FBN1: variants seen among roughly 807,000 people sequenced by gnomAD.
The protein encoded by FBN1 is fibrillin 1, also known as fibrillin-1.
In FBN1, 29 loss-of-function variants were observed where a neutral mutation model predicts 365.1. The ratio of observed to expected loss-of-function variants is 0.08; its 90% CI spans 0.06 to 0.11. The LOEUF (loss-of-function observed/expected upper bound fraction) is 0.11, where lower values mean the gene tolerates loss of function less well. FBN1 is among the 10% of genes least tolerant of loss of function. The pLI is 1.00. For synonymous variants in FBN1, 1,210 were observed against 1,270.5 expected (o/e 0.95, Z 1.01); for missense variants, 2,476 against 3,703.2 (o/e 0.67, Z 8.60).
At chr15:48,631,953 A>T (rs1475918283) in intron 2 of FBN1, among the ~76,000 whole-genome samples, 1 of 152,224 alleles carries the variant, frequency 6.6e-6, no homozygotes, top group Admixed American at 6.5e-5. Context: ...CTTTTTAAAA[A>T]ATGTGCTAAT....
intron 46 of FBN1, 53 bp downstream of exon 46, chr15:48,448,715 C>T: frequency 6.4e-7 from 1 of 1,558,714 alleles, no homozygotes; most frequent in Non-Finnish European, 8.8e-7. Flanking sequence ...TATTTAGAAT[C>T]AAATGAAGCT....
At chr15:48,604,845 C>T (rs2044594279) in intron 4 of FBN1, among the ~76,000 whole-genome samples, 1 of 152,180 alleles carries the variant, frequency 6.6e-6, no homozygotes, top group South Asian at 2.1e-4. Context: ...CTCCCTCAAA[C>T]TTGCTAACAC....
chr15:48,488,093 T>C lies in FBN1; in HGVS notation c.3337+20A>G, dbSNP rs757193641. On this transcript the variant is annotated intron_variant, in intron 27 of 65. Transcript: ENST00000316623. ...TGGAATCCTTCTCTTTCTGTGTTGA[T>C]CAAATGATCCCAAACTTACCCATGC... 1.7e-5 allele frequency: 28 copies of C among 1,614,062 alleles called. No homozygotes were observed. The Middle Eastern group carries it at 9.9e-4, about 57-fold the overall frequency.
At chr15:48,524,324 G>A (rs1209981279) in intron 9 of FBN1, among the ~76,000 whole-genome samples, 2 of 152,172 alleles carry the variant, frequency 1.3e-5, no homozygotes, top group African/African-American at 2.4e-5. Context: ...AATGTGCACG[G>A]AAGATACTGC....
At chr15:48,477,018 A>G (rs1413110139) in intron 32 of FBN1, among the ~76,000 whole-genome samples, 1 of 152,014 alleles carries the variant, frequency 6.6e-6, no homozygotes, top group African/African-American at 2.4e-5. Flanking sequence ...TGACTTATAG[A>G]AATACTCACT....
intron 6 of FBN1, among the ~76,000 whole-genome samples, chr15:48,564,396 C>A (rs985528426): frequency 6.6e-6 from 1 of 152,024 alleles, no homozygotes; most frequent in African/African-American, 2.4e-5. Context: ...AAAGCCAATG[C>A]GGTTTTGTGT....
chr15:48,459,778 C>G (rs2043267289), intron 43 of FBN1, among the ~76,000 whole-genome samples: 1 of 152,190 alleles, frequency 6.6e-6, no homozygotes. Flanking sequence ...TATTTCACAT[C>G]TGAAATTCCC....
In FBN1 at chr15:48,451,439, T is replaced by C. The variant is rs1019166929; in HGVS notation, c.5545+1123A>G. On this transcript the variant is annotated intron_variant, in intron 45 of 65. Transcript: ENST00000316623. Reference sequence around the variant, plus strand: ...TGCTAAATACTTACACATTTTCCTTTAAACTCAACAAAACAAGTCTTGATT... The same window carrying C: ...TGCTAAATACTTACACATTTTCCTTCAAACTCAACAAAACAAGTCTTGATT... 3.9e-5 allele frequency among the ~76,000 whole-genome samples: 6 copies of C among 152,206 alleles called. 1 individual carries two copies. Among genetic ancestry groups the C allele is most frequent in the African/African-American group, 1.4e-4 (6 of 41,450 alleles).
At chr15:48,476,610 CTTT>C (rs56969171) in intron 32 of FBN1, 31 of 120,016 alleles carry the variant, frequency 2.6e-4, no homozygotes, top group East Asian at 9.8e-4. Flanking sequence ...CTTTTCTTTT[CTTT>C]TTTTTTTTTT....
At position 48,420,786 on chromosome 15, in the gene FBN1, T is replaced by C; in HGVS notation, c.7720A>G (p.Asn2574Asp). 1 of 1,613,986 alleles carries C rather than the reference T, an allele frequency of 6.2e-7. No homozygotes were observed. Reference sequence around the variant, plus strand: ...TGGCAGCCATGCTGGCAGCGGTGGTTACCCTCACACTCGTCCACGTCTGAA... The same window carrying C: ...TGGCAGCCATGCTGGCAGCGGTGGTCACCCTCACACTCGTCCACGTCTGAA... ...SCEDVDECEG[N>D]HRCQHGCQNI... is the part of the protein sequence containing the mutation. Residue 2574 changes from asparagine (N) to aspartate (D), a missense_variant, in exon 63 of 66, where the codon AAC becomes GAC. Transcript: ENST00000316623.
At chr15:48,487,540 T>C (rs903391391) in intron 27 of FBN1, 103 bp from the exon 28 acceptor site, 2 of 1,501,022 alleles carry the variant, frequency 1.3e-6, no homozygotes, top group Non-Finnish European at 1.8e-6. Context: ...TTGACCTCCT[T>C]GTCTCAAGGT....
Position 48,497,396 on chromosome 15 carries a change from A to C in FBN1, c.2168-5T>G, listed in dbSNP as rs2043617477. 2 of 1,613,298 alleles carry C rather than the reference A, an allele frequency of 1.2e-6. No homozygotes were observed. Among genetic ancestry groups the C allele is most frequent in the Non-Finnish European group, 8.5e-7 (1 of 1,179,294 alleles). Reference sequence around the variant, plus strand: ...CTAGTGCACATTCATTTATATCTGCACCACAAAAAAGGTCAAAATCAATTA... The same window carrying C: ...CTAGTGCACATTCATTTATATCTGCCCCACAAAAAAGGTCAAAATCAATTA... On this transcript the variant is annotated splice_region_variant and splice_polypyrimidine_tract_variant and intron_variant, in intron 18 of 65. Transcript: ENST00000316623.
intron 10 of FBN1, among the ~76,000 whole-genome samples, chr15:48,518,840 T>C (rs2043827500): frequency 1.3e-5 from 2 of 152,180 alleles, no homozygotes; most frequent in South Asian, 4.1e-4. Flanking sequence ...ACTGGAACAT[T>C]TGGACAAACA....
chr15:48,636,795 C>T lies in FBN1; in HGVS notation c.164+7811G>A, dbSNP rs138994179. Reference sequence around the variant, plus strand: ...TTCCAGCCCAACTGACATTGTGGGGCGCAGAGACAAGATTCCCCACTGTGT... The same window carrying T: ...TTCCAGCCCAACTGACATTGTGGGGTGCAGAGACAAGATTCCCCACTGTGT... On this transcript the variant is annotated intron_variant, in intron 2 of 65. Transcript: ENST00000316623. 8.5e-5 allele frequency among the ~76,000 whole-genome samples: 13 copies of T among 152,284 alleles called. No individual in the cohort carries two copies. In the East Asian group the frequency reaches 2.1e-3, roughly 25 times the overall value.
At chr15:48,495,997 T>A in intron 20 of FBN1, 103 bp downstream of exon 20, 1 of 1,453,626 alleles carries the variant, frequency 6.9e-7, no homozygotes, top group Non-Finnish European at 9.6e-7. Flanking sequence ...TAAACTGGCA[T>A]AACTGTCTAA....
intron 9 of FBN1, among the ~76,000 whole-genome samples, chr15:48,523,840 CACCT>C (rs2141340380): frequency 6.6e-6 from 1 of 152,188 alleles, no homozygotes; most frequent in East Asian, 1.9e-4. Flanking sequence ...GAACCACAAA[CACCT>C]TCCATTTTAA....
At chr15:48,434,842 G>C (rs2141237364) in intron 53 of FBN1, 129 bp from the exon 54 acceptor site, 1 of 1,127,540 alleles carries the variant, frequency 8.9e-7, no homozygotes. Flanking sequence ...TTGACATCCA[G>C]ACTGCAGTGC....
Position 48,452,158 on chromosome 15 carries a change from G to GA in FBN1, c.5545+403dup, listed in dbSNP as rs146102792. Among the ~76,000 whole-genome samples the GA allele has an allele frequency of 7.0e-3, 1,064 of 152,296 alleles. 10 individuals are homozygous for GA. Among genetic ancestry groups the GA allele is most frequent in the African/African-American group, 0.024 (1,015 of 41,556 alleles). ...ATTTGGGGTATGCAGCCAAGATGGT[G>GA]AAAACCTCACCTTTCTGAGAGGGAT... is the stretch of plus-strand genomic sequence containing the variant. On this transcript the variant is annotated intron_variant, in intron 45 of 65. Transcript: ENST00000316623.
At chr15:48,465,458 A>T in intron 40 of FBN1, 110 bp downstream of exon 40, 2 of 1,298,162 alleles carry the variant, frequency 1.5e-6, no homozygotes, top group Non-Finnish European at 2.2e-6. Context: ...GTTCGTGTTT[A>T]GAACATTGTG....
Sources: allele counts gnomAD v4.1 joint callset (sites outside exome capture counted in the v4.1 genomes callset), GRCh38; gene constraint gnomAD v4.1.1; transcripts MANE v1.5; gene names NCBI Gene and HGNC (gene_info 2026-07-23, HGNC 2026-07-21).